Variants in PPM1L observed in about 807,000 individuals in gnomAD.
PPM1L encodes protein phosphatase, Mg2+/Mn2+ dependent 1L.
Under a neutral mutation model 31.4 loss-of-function variants are expected in PPM1L, and 13 were observed. That is an observed-to-expected ratio of 0.41 (90% CI 0.27 to 0.66). The LOEUF (loss-of-function observed/expected upper bound fraction) is 0.66, where lower values mean the gene tolerates loss of function less well. Ranked by LOEUF, PPM1L falls within the 30% of genes least tolerant of loss-of-function variation. The probability of loss-of-function intolerance (pLI) is 0.29; values close to 1 mark genes in which losing one functional copy is unlikely to be tolerated. For synonymous variants in PPM1L, 184 were observed against 175.4 expected (o/e 1.05, Z -0.39); for missense variants, 326 against 453.7 (o/e 0.72, Z 2.56).
chr3:161,049,890 C>T (rs182078692), intron 2 of PPM1L, among the ~76,000 whole-genome samples: 15 of 152,322 alleles, frequency 9.8e-5, no homozygotes, highest in African/African-American at 3.6e-4. Context: ...AACAGACTCA[C>T]CAGCTGTTCT....
chr3:160,815,581 T>C (rs1417669028), intron 1 of PPM1L, among the ~76,000 whole-genome samples: 1 of 152,164 alleles, frequency 6.6e-6, no homozygotes, highest in Non-Finnish European at 1.5e-5. Context: ...CCAGGAACAA[T>C]GATTAGCATT....
intron 2 of PPM1L, among the ~76,000 whole-genome samples, chr3:161,031,308 A>G (rs1443955543): frequency 6.6e-6 from 1 of 152,204 alleles, no homozygotes; most frequent in Admixed American, 6.5e-5. Context: ...CCATGGGAAC[A>G]AACAATTGTT....
chr3:160,824,491 T>A (rs541996293), intron 1 of PPM1L, among the ~76,000 whole-genome samples: 1 of 152,150 alleles, frequency 6.6e-6, no homozygotes, highest in South Asian at 2.1e-4. Flanking sequence ...AATTCCCTAA[T>A]GAGGGAAAGG....
At position 161,066,969 on chromosome 3, in the gene PPM1L, G is replaced by A. The variant is rs181901443; in HGVS notation, c.736+1405G>A. Among the ~76,000 whole-genome samples the A allele has an allele frequency of 1.3e-3, 196 of 152,302 alleles. 1 individual carries two copies. The highest frequency in any genetic ancestry group is 4.5e-3 in the African/African-American group (186 of 41,550). On this transcript the variant is annotated intron_variant, in intron 3 of 3. Transcript: ENST00000498165. ...CATTGGTCAGGTTTTCTGTTGATGG[G>A]ATGAAACGAATGATATTTTAGGAGC...
chr3:160,875,451 A>AT (rs1173878863), intron 1 of PPM1L, among the ~76,000 whole-genome samples: 14 of 152,230 alleles, frequency 9.2e-5, no homozygotes, highest in African/African-American at 3.4e-4. Context: ...CCCTGTGCAA[A>AT]TAAGTCTCTA....
At chr3:160,823,706 A>G (rs1345750235) in intron 1 of PPM1L, among the ~76,000 whole-genome samples, 1 of 152,112 alleles carries the variant, frequency 6.6e-6, no homozygotes, top group Non-Finnish European at 1.5e-5. Context: ...ATATTAGCTC[A>G]TTTAATTCTC....
chr3:160,775,872 G>A (rs1449765774), intron 1 of PPM1L, among the ~76,000 whole-genome samples: 2 of 152,180 alleles, frequency 1.3e-5, no homozygotes, highest in Non-Finnish European at 2.9e-5. Context: ...AAAAAGTGGG[G>A]AAATGTAAAT....
intron 1 of PPM1L, among the ~76,000 whole-genome samples, chr3:160,899,632 C>T (rs953400292): frequency 3.9e-5 from 6 of 152,094 alleles, no homozygotes; most frequent in African/African-American, 1.4e-4. Flanking sequence ...TTAATTTTCT[C>T]ATTGGCTCAT....
intron 2 of PPM1L, among the ~76,000 whole-genome samples, chr3:160,986,759 T>C (rs74546965): frequency 6.6e-6 from 1 of 152,196 alleles, no homozygotes; most frequent in African/African-American, 2.4e-5. Flanking sequence ...TGTTTTTTAA[T>C]TCATACTTCA....
At chr3:160,808,315 G>GTA (rs1367032468) in intron 1 of PPM1L, among the ~76,000 whole-genome samples, 5 of 148,078 alleles carry the variant, frequency 3.4e-5, no homozygotes, top group African/African-American at 1.3e-4. Context: ...GTGTGTGTGT[G>GTA]TGTGTGCGTG....
intron 1 of PPM1L, among the ~76,000 whole-genome samples, chr3:160,779,801 G>A (rs1326831184): frequency 3.3e-5 from 5 of 151,982 alleles, no homozygotes; most frequent in Non-Finnish European, 7.4e-5. Context: ...CAAAGTGCTG[G>A]GATTACAGGC....
chr3:160,808,416 T>TGTGTGTGTGTGTGCGTGC lies in PPM1L; in HGVS notation c.399+51716_399+51717insTGTGTGCGTGCGTGTGTG, dbSNP rs1553808362. ...GTGTGTGTGTGTGTGTGTGTGTGTG[T>TGTGTGTGTGTGTGCGTGC]GTGTGTGGTGGGTGAGGGAAGCTGG... On this transcript the variant is annotated intron_variant, in intron 1 of 3. Coordinates refer to ENST00000498165, the MANE Select transcript of PPM1L (RefSeq NM_139245.4). Among the ~76,000 whole-genome samples, 782 of 129,282 alleles carry TGTGTGTGTGTGTGCGTGC rather than the reference T, an allele frequency of 6.0e-3. 64 individuals are homozygous for TGTGTGTGTGTGTGCGTGC. Among genetic ancestry groups the TGTGTGTGTGTGTGCGTGC allele is most frequent in the African/African-American group, 0.024 (750 of 31,196 alleles). The allele number at this position is 129,282 out of a possible 152,430, so 84.8% of individuals were successfully genotyped here.
At chr3:160,814,494 CA>C (rs1712904918) in intron 1 of PPM1L, among the ~76,000 whole-genome samples, 1 of 145,006 alleles carries the variant, frequency 6.9e-6, no homozygotes, top group African/African-American at 2.6e-5. Context: ...CACACACACA[CA>C]CATATATGTA....
At chr3:160,890,628 T>C (rs1194808255) in intron 1 of PPM1L, among the ~76,000 whole-genome samples, 1 of 152,212 alleles carries the variant, frequency 6.6e-6, no homozygotes, top group African/African-American at 2.4e-5. Flanking sequence ...AAAAAACTAC[T>C]TTAAATTTCA....
At chr3:160,978,319 C>T (rs1409899553) in intron 2 of PPM1L, among the ~76,000 whole-genome samples, 2 of 152,174 alleles carry the variant, frequency 1.3e-5, no homozygotes, top group Non-Finnish European at 2.9e-5. Context: ...ATCAGGGAAT[C>T]TCCAGGGGAG....
chr3:160,999,039 C>T (rs181883453), intron 2 of PPM1L, among the ~76,000 whole-genome samples: 19 of 152,188 alleles, frequency 1.2e-4, no homozygotes, highest in Admixed American at 9.2e-4. Context: ...TGGTTGCTAC[C>T]GCCTGGCACA....
intron 2 of PPM1L, among the ~76,000 whole-genome samples, chr3:160,994,440 A>G (rs1277424664): frequency 6.6e-6 from 1 of 152,138 alleles, no homozygotes; most frequent in African/African-American, 2.4e-5. Flanking sequence ...CTGGCAATCT[A>G]CATTCAACCC....
intron 2 of PPM1L, among the ~76,000 whole-genome samples, chr3:161,046,481 C>T (rs1323192119): frequency 9.2e-5 from 14 of 151,976 alleles, no homozygotes; most frequent in East Asian, 5.8e-4. Flanking sequence ...CAGGACCAGA[C>T]GGATTCACAG....
At chr3:160,902,675 C>G (rs976538724) in intron 1 of PPM1L, among the ~76,000 whole-genome samples, 11 of 152,134 alleles carry the variant, frequency 7.2e-5, no homozygotes, top group Non-Finnish European at 1.3e-4. Context: ...TTTCTGGACC[C>G]ACTTCCCATT....
Sources: allele counts gnomAD v4.1 joint callset (sites outside exome capture counted in the v4.1 genomes callset), GRCh38; gene constraint gnomAD v4.1.1; transcripts MANE v1.5; gene names NCBI Gene and HGNC (gene_info 2026-07-23, HGNC 2026-07-21).